Variants in POLA1 observed in about 807,000 individuals in gnomAD.
POLA1 encodes the protein DNA polymerase alpha catalytic subunit.
In POLA1, 15 loss-of-function variants were observed where a neutral mutation model predicts 124.0. The observed-to-expected ratio is 0.12, with a 90% CI of 0.08 to 0.19. POLA1 has a LOEUF of 0.19. Ranked by LOEUF, POLA1 falls within the 10% of genes least tolerant of loss-of-function variation. The pLI is 1.00. For synonymous variants in POLA1, 408 were observed against 389.4 expected (o/e 1.05, Z -0.56); for missense variants, 886 against 1,103.4 (o/e 0.80, Z 2.79).
At chrX:24,857,158 C>T (rs2046656422) in intron 34 of POLA1, among the ~76,000 whole-genome samples, 1 of 111,479 alleles carries the variant, frequency 9.0e-6, no homozygotes, top group South Asian at 3.8e-4. Context: ...TCCAGTTGTT[C>T]CAACACCATT....
chrX:24,852,026 A>T (rs2046569057), intron 34 of POLA1, among the ~76,000 whole-genome samples: 1 of 112,437 alleles, frequency 8.9e-6, no homozygotes, highest in East Asian at 2.8e-4. Flanking sequence ...TTGCCCAGAG[A>T]ATGTACATTT....
intron 34 of POLA1, among the ~76,000 whole-genome samples, chrX:24,868,693 C>T (rs760953999): frequency 9.0e-6 from 1 of 111,671 alleles, no homozygotes; most frequent in East Asian, 2.8e-4. Flanking sequence ...ATATTTTGGT[C>T]ACATATTTAA....
chrX:24,979,341 C>T (rs1358589357), intron 36 of POLA1, among the ~76,000 whole-genome samples: 2 of 111,788 alleles, frequency 1.8e-5, no homozygotes, highest in Non-Finnish European at 3.8e-5. Context: ...CTATTTAGAT[C>T]CAAGATCCAC....
intron 34 of POLA1, among the ~76,000 whole-genome samples, chrX:24,871,093 T>C (rs1252597729): frequency 8.9e-6 from 1 of 111,828 alleles, no homozygotes; most frequent in Non-Finnish European, 1.9e-5. Flanking sequence ...TTGATACATA[T>C]ATATATTTTA....
chrX:24,703,124 T>G (rs949620401), intron 2 of POLA1, 127 bp from the exon 3 acceptor site: 18 of 461,263 alleles, frequency 3.9e-5, no homozygotes, highest in Non-Finnish European at 6.4e-5. Context: ...TCAGAACTCA[T>G]GATTTGGTTG....
chrX:24,858,276 C>A (rs768242593), intron 34 of POLA1, among the ~76,000 whole-genome samples: 2 of 111,934 alleles, frequency 1.8e-5, no homozygotes, highest in East Asian at 5.6e-4. Flanking sequence ...ATTGTATAAA[C>A]CTAGGTGAGG....
At chrX:24,784,009 A>G (rs984215263) in intron 26 of POLA1, among the ~76,000 whole-genome samples, 9 of 108,665 alleles carry the variant, frequency 8.3e-5, no homozygotes, top group African/African-American at 3.0e-4. Flanking sequence ...GGGGGGGAAG[A>G]TAGTCAAACA....
chrX:24,751,499 A>G (rs1394211790), intron 26 of POLA1, among the ~76,000 whole-genome samples: 1 of 112,108 alleles, frequency 8.9e-6, no homozygotes, highest in African/African-American at 3.2e-5. Context: ...AATTCTTGGT[A>G]TCTGCTTTCC....
chrX:24,903,668 A>G (rs369024881), intron 35 of POLA1, among the ~76,000 whole-genome samples: 46 of 111,796 alleles, frequency 4.1e-4, no homozygotes, highest in African/African-American at 1.4e-3. Flanking sequence ...CTTAGAATAT[A>G]TAAATTTTGA....
chrX:24,930,818 T>C lies in POLA1; in HGVS notation c.4261+269T>C, dbSNP rs112345926. Among the ~76,000 whole-genome samples the C allele has an allele frequency of 2.7e-3, 304 of 112,557 alleles. 1 individual carries two copies. The highest frequency in any genetic ancestry group is 9.1e-3 in the African/African-American group (282 of 31,054). ...TACAAAAAGGACTCTTTAAATGCTA[T>C]ATTTTGAAAATGCTATTTTCTACAG... On this transcript the variant is annotated intron_variant, in intron 36 of 36. Transcript: ENST00000379068.
At chrX:24,727,517 A>T (rs1350546400) in intron 14 of POLA1, among the ~76,000 whole-genome samples, 1 of 111,840 alleles carries the variant, frequency 8.9e-6, no homozygotes, top group Non-Finnish European at 1.9e-5. Flanking sequence ...CAGTTTTTTT[A>T]AAACCTATTT....
At chrX:24,927,730 A>G (rs1477627464) in intron 35 of POLA1, among the ~76,000 whole-genome samples, 1 of 112,360 alleles carries the variant, frequency 8.9e-6, no homozygotes, top group Non-Finnish European at 1.9e-5. Flanking sequence ...AAAGCTGGAG[A>G]GAGAAAGAAA....
intron 34 of POLA1, among the ~76,000 whole-genome samples, chrX:24,882,917 A>T (rs1214495358): frequency 9.0e-6 from 1 of 111,377 alleles, no homozygotes. Flanking sequence ...GTTCTTTGAG[A>T]AGTCTCCAAA....
rs1233952826 is a variant in POLA1 at position 24,913,739 on chromosome X, C to G, written c.4165-16714C>G. Reference sequence around the variant, plus strand: ...CAAAAAAAAACAAAAAAAAAACAGTCATGGTAAGCCGGGCGTGGTGGCTCA... The same window carrying G: ...CAAAAAAAAACAAAAAAAAAACAGTGATGGTAAGCCGGGCGTGGTGGCTCA... On this transcript the variant is annotated intron_variant, in intron 35 of 36. Coordinates refer to ENST00000379068, the MANE Select transcript of POLA1 (RefSeq NM_001330360.2). Among the ~76,000 whole-genome samples the G allele has an allele frequency of 3.1e-5, 3 of 96,173 alleles. No homozygotes were observed. The East Asian group carries it at 1.0e-3, about 33-fold the overall frequency. The allele number at this position is 96,173 out of a possible 115,157, so 83.5% of individuals were successfully genotyped here. A position where few individuals can be genotyped will look rare whatever the true frequency, so the allele number is the denominator to read the frequency against.
At chrX:24,847,608 C>T (rs2046493434) in intron 34 of POLA1, among the ~76,000 whole-genome samples, 1 of 111,875 alleles carries the variant, frequency 8.9e-6, no homozygotes. Flanking sequence ...GTTGCTAGGG[C>T]CAGAAATTGG....
In POLA1 at chrX:24,994,371, C is replaced by T. The variant is rs773997300; in HGVS notation, c.4262-1434C>T. On this transcript the variant is annotated intron_variant, in intron 36 of 36. Transcript: ENST00000379068. Reference sequence around the variant, plus strand: ...ATCTGGAGTCTGAGTTTTCGTTTTCCGGGTGTTTTGTAGACTTCCCGTGTT... The same window carrying T: ...ATCTGGAGTCTGAGTTTTCGTTTTCTGGGTGTTTTGTAGACTTCCCGTGTT... Among the ~76,000 whole-genome samples, 6 of 112,565 alleles carry T rather than the reference C, an allele frequency of 5.3e-5. No individual in the cohort carries two copies. The East Asian group carries it at 8.4e-4, about 16-fold the overall frequency.
At chrX:24,960,056 G>A (rs1435613586) in intron 36 of POLA1, among the ~76,000 whole-genome samples, 1 of 110,967 alleles carries the variant, frequency 9.0e-6, no homozygotes, top group Non-Finnish European at 1.9e-5. Flanking sequence ...TTCCCTAAAG[G>A]CATTCAGTTT....
At position 24,741,282 on chromosome X, in the gene POLA1, C is replaced by T. The variant is rs1328627451; in HGVS notation, c.2217-93C>T. 24 of 667,850 alleles carry T rather than the reference C, an allele frequency of 3.6e-5. No homozygotes were observed. In the East Asian group the frequency reaches 6.1e-4, roughly 17 times the overall value. The allele number at this position is 667,850 out of a possible 1,213,427, so 55.0% of individuals were successfully genotyped here. ...GCTGTTGCTCTGAATTTACTTACAC[C>T]CAGAATTCCTTATAATATTTTGTGA... On this transcript the variant is annotated intron_variant, in intron 20 of 36. Transcript: ENST00000379068.
rs747500986 is a variant in POLA1, at chrX:24,794,266, A to G, written c.2965-15632A>G. On this transcript the variant is annotated intron_variant, in intron 26 of 36. Coordinates refer to ENST00000379068, the MANE Select transcript of POLA1 (RefSeq NM_001330360.2). ...AGTGCTGGGATTACAGGCGTGAACC[A>G]TCACACCCGGCCTTCCCTGTTTAAT... is the stretch of plus-strand genomic sequence containing the variant. Among the ~76,000 whole-genome samples the G allele has an allele frequency of 1.4e-3, 160 of 112,268 alleles. 1 individual carries two copies. The highest frequency in any genetic ancestry group is 2.3e-3 in the Non-Finnish European group (125 of 53,227).
Sources: allele counts gnomAD v4.1 joint callset (sites outside exome capture counted in the v4.1 genomes callset), GRCh38; gene constraint gnomAD v4.1.1; transcripts MANE v1.5; gene names NCBI Gene and HGNC (gene_info 2026-07-23, HGNC 2026-07-21).